AGAP1: variants seen among roughly 807,000 people sequenced by gnomAD.
AGAP1 encodes the protein arf-GAP with GTPase, ANK repeat and PH domain-containing protein 1.
A neutral mutation model predicts 105.3 loss-of-function variants in AGAP1; 29 were observed. That is an observed-to-expected ratio of 0.28 (90% CI 0.21 to 0.38). The LOEUF (loss-of-function observed/expected upper bound fraction) is 0.38, where lower values mean the gene tolerates loss of function less well. Ranked by LOEUF, AGAP1 falls within the 10% of genes least tolerant of loss-of-function variation. AGAP1 has a pLI of 1.00. For synonymous variants in AGAP1, 509 were observed against 485.9 expected (o/e 1.05, Z -0.63); for missense variants, 998 against 1,165.1 (o/e 0.86, Z 2.09).
intron 13 of AGAP1, among the ~76,000 whole-genome samples, chr2:236,033,636 C>T (rs566995009): frequency 3.3e-5 from 5 of 152,340 alleles, no homozygotes; most frequent in South Asian, 4.1e-4. Flanking sequence ...CACGTAGACA[C>T]GTTTAGAGGG....
rs1553561884 is a variant in AGAP1, at chr2:235,538,460, T to TGTGTGTGTGTGCGC, written c.163+43612_163+43613insTGTGTGTGTGCGCG. ...GTGTGTGTGTGTGTGTGTGTGTGTG[T>TGTGTGTGTGTGCGC]GCATGCTTGTACGCCTGTGCACAGA... is the stretch of plus-strand genomic sequence containing the variant. On this transcript the variant is annotated intron_variant, in intron 1 of 17. Coordinates refer to ENST00000304032, the MANE Select transcript of AGAP1 (RefSeq NM_001037131.3). Among the ~76,000 whole-genome samples the TGTGTGTGTGTGCGC allele has an allele frequency of 3.9e-3, 584 of 150,546 alleles. 3 individuals carry two copies. The highest frequency in any genetic ancestry group is 0.014 in the African/African-American group (564 of 40,184).
chr2:236,025,327 C>T (rs995444697), intron 13 of AGAP1, among the ~76,000 whole-genome samples: 2 of 152,074 alleles, frequency 1.3e-5, no homozygotes, highest in Admixed American at 6.6e-5. Context: ...ATGGGCCTCA[C>T]GCTGCCAATT....
intron 9 of AGAP1, 105 bp downstream of exon 9, chr2:235,807,436 TTGA>T (rs1957894199): frequency 7.4e-6 from 7 of 951,620 alleles, no homozygotes; most frequent in Non-Finnish European, 6.1e-6. Flanking sequence ...ATGTGCTCTG[TTGA>T]TGAATGTAGA....
chr2:235,725,512 A>G lies in AGAP1; in HGVS notation c.310+7868A>G, dbSNP rs183165563. On this transcript the variant is annotated intron_variant, in intron 3 of 17. Transcript: ENST00000304032. The surrounding 1 kb of genome is among the most constrained non-coding windows in gnomAD (Gnocchi z 5.7). ...TGCTGTTTAATGTTCCAGTGGAAAA[A>G]AAAAAAAAACACCTGTAATACTCCA... Among the ~76,000 whole-genome samples the G allele has an allele frequency of 6.6e-6, 1 of 152,304 alleles. No individual in the cohort carries two copies. Among genetic ancestry groups the G allele is most frequent in the Non-Finnish European group, 1.5e-5 (1 of 68,028 alleles).
chr2:236,040,745 GCC>G lies in AGAP1; in HGVS notation c.1801-4_1801-3del. 1.9e-6 allele frequency: 3 copies of G among 1,612,814 alleles called. No individual in the cohort carries two copies. The highest frequency in any genetic ancestry group is 2.5e-6 in the Non-Finnish European group (3 of 1,180,010). ...GCCTTGTATTTGTGTCTTCCTCCGTGCCCAGTCCCGGCTGACGAGCCAGAGCG... is the reference window on the plus strand; with the variant it reads ...GCCTTGTATTTGTGTCTTCCTCCGTGCAGTCCCGGCTGACGAGCCAGAGCG... On this transcript the variant is annotated splice_polypyrimidine_tract_variant and splice_region_variant and intron_variant, in intron 14 of 17. Transcript: ENST00000304032. The surrounding 1 kb of genome is among the most constrained non-coding windows in gnomAD (Gnocchi z 5.6).
chr2:236,028,682 A>G (rs540051779), intron 13 of AGAP1, among the ~76,000 whole-genome samples: 24 of 152,122 alleles, frequency 1.6e-4, no homozygotes, highest in African/African-American at 5.5e-4. Flanking sequence ...TTCCTTTCCA[A>G]TCTCTCGGTC....
chr2:236,048,948 T>C (rs1404453790), intron 15 of AGAP1, 111 bp from the exon 16 acceptor site: 5 of 1,040,830 alleles, frequency 4.8e-6, no homozygotes, highest in Non-Finnish European at 5.7e-6. Flanking sequence ...GCCATGGATG[T>C]GGTTCTGTCG....
Position 235,556,212 on chromosome 2 carries a change from C to T in AGAP1, c.163+61363C>T, listed in dbSNP as rs1238824578. 6.6e-6 allele frequency among the ~76,000 whole-genome samples: 1 copy of T among 152,226 alleles called. No homozygotes were observed. Among genetic ancestry groups the T allele is most frequent in the Non-Finnish European group, 1.5e-5 (1 of 68,042 alleles). On this transcript the variant is annotated intron_variant, in intron 1 of 17. Transcript: ENST00000304032. This position sits in a 1 kb window ranked among gnomAD's most constrained non-coding sequence, Gnocchi z 5.3. ...GCTCCTCAGAGCTGCCCCCTCATGC[C>T]TTGGCCAATCACAGAGCACCCTTTC...
At chr2:235,762,222 A>G (rs1954506337) in intron 6 of AGAP1, among the ~76,000 whole-genome samples, 6 of 152,170 alleles carry the variant, frequency 3.9e-5, no homozygotes, top group Admixed American at 3.3e-4. Flanking sequence ...GGTTAGCAGC[A>G]CTGAATTTGT....
intron 8 of AGAP1, among the ~76,000 whole-genome samples, chr2:235,803,763 A>G (rs188738525): frequency 2.0e-5 from 3 of 152,366 alleles, no homozygotes; most frequent in African/African-American, 7.2e-5. Flanking sequence ...ATAAAATAGT[A>G]CAAATAAAAT....
chr2:236,120,821 G>A lies in AGAP1; in HGVS notation c.2370+374G>A, dbSNP rs2059880728. 6.6e-6 allele frequency among the ~76,000 whole-genome samples: 1 copy of A among 152,172 alleles called. No homozygotes were observed. Among genetic ancestry groups the A allele is most frequent in the South Asian group, 2.1e-4 (1 of 4,826 alleles). ...TTTATTCACTTAACACAGAAATACT[G>A]GACCCTAAACTTTGAGGTCTGATGT... On this transcript the variant is annotated intron_variant, in intron 17 of 17. Transcript: ENST00000304032. The surrounding 1 kb of genome is among the most constrained non-coding windows in gnomAD (Gnocchi z 6.0).
Position 235,530,747 on chromosome 2 carries a change from C to G in AGAP1, c.163+35898C>G, listed in dbSNP as rs193253709. On this transcript the variant is annotated intron_variant, in intron 1 of 17. Transcript: ENST00000304032. ...ATCTGGATAATCTTGAATGATTTCC[C>G]TGTCTTAAAATCCTTGACTTAATCA... 2.0e-3 allele frequency among the ~76,000 whole-genome samples: 308 copies of G among 152,330 alleles called. 1 individual carries two copies. Among genetic ancestry groups the G allele is most frequent in the Non-Finnish European group, 3.4e-3 (229 of 68,036 alleles).
At chr2:235,921,798 G>A (rs2052193995) in intron 11 of AGAP1, among the ~76,000 whole-genome samples, 1 of 152,170 alleles carries the variant, frequency 6.6e-6, no homozygotes, top group South Asian at 2.1e-4. Flanking sequence ...AGTCCCGAAT[G>A]CCTACATCTT....
rs1187603494 is a variant in AGAP1, at chr2:235,610,662, C to T, written c.164-98517C>T. The stretch of plus-strand genomic sequence containing the variant: ...AAATTTCAGGAGAGCTCAATACAGC[C>T]CATAGCACAGCGCTTCCGCACACAT... On this transcript the variant is annotated intron_variant, in intron 1 of 17. Transcript: ENST00000304032. This position sits in a 1 kb window ranked among gnomAD's most constrained non-coding sequence, Gnocchi z 4.9. 1.3e-5 allele frequency among the ~76,000 whole-genome samples: 2 copies of T among 152,128 alleles called. No individual in the cohort carries two copies. The highest frequency in any genetic ancestry group is 2.9e-5 in the Non-Finnish European group (2 of 68,038).
At chr2:235,909,093 C>T (rs993486867) in intron 11 of AGAP1, among the ~76,000 whole-genome samples, 187 bp downstream of exon 11, 5 of 152,192 alleles carry the variant, frequency 3.3e-5, no homozygotes, top group Non-Finnish European at 5.9e-5. Context: ...CAAATGCCAG[C>T]GAGCAAATGG....
intron 6 of AGAP1, among the ~76,000 whole-genome samples, chr2:235,759,445 A>T (rs1406338608): frequency 2.0e-5 from 3 of 152,204 alleles, no homozygotes; most frequent in Non-Finnish European, 2.9e-5. Flanking sequence ...CTGGGATTAC[A>T]GGCGTGAGCC....
chr2:236,056,970 A>G lies in AGAP1; in HGVS notation c.2114+7689A>G, dbSNP rs912169703. Among the ~76,000 whole-genome samples the G allele has an allele frequency of 9.9e-5, 15 of 152,202 alleles. No homozygotes were observed. Among genetic ancestry groups the G allele is most frequent in the Admixed American group, 6.5e-4 (10 of 15,284 alleles). On this transcript the variant is annotated intron_variant, in intron 16 of 17. Coordinates refer to ENST00000304032, the MANE Select transcript of AGAP1 (RefSeq NM_001037131.3). This position sits in a 1 kb window ranked among gnomAD's most constrained non-coding sequence, Gnocchi z 4.6. ...CTCGCCCCTGGTCAGTTTCTATCTC[A>G]GTAGCCATCGTGTGTCAAACTTACT...
At position 235,589,189 on chromosome 2, in the gene AGAP1, G is replaced by GTTTT. The variant is rs1205771315; in HGVS notation, c.163+94341_163+94344dup. Among the ~76,000 whole-genome samples, 313 of 54,896 alleles carry GTTTT rather than the reference G, an allele frequency of 5.7e-3. 49 individuals carry two copies. The highest frequency in any genetic ancestry group is 8.9e-3 in the Non-Finnish European group (207 of 23,222). The allele number at this position is 54,896 out of a possible 152,430, so 36.0% of individuals were successfully genotyped here. A position where few individuals can be genotyped will look rare whatever the true frequency, so the allele number is the denominator to read the frequency against. ...GAGAACTACCAGTTAATAGCTTATT[G>GTTTT]TTTTGTTTTTTTTTTTTTTTTTTTT... On this transcript the variant is annotated intron_variant, in intron 1 of 17. Transcript: ENST00000304032.
At chr2:235,572,224 C>G (rs1053956900) in intron 1 of AGAP1, among the ~76,000 whole-genome samples, 8 of 151,360 alleles carry the variant, frequency 5.3e-5, no homozygotes, top group South Asian at 2.1e-4. Flanking sequence ...GTGCCGTGCC[C>G]TGTGTGTGTG....
Sources: allele counts gnomAD v4.1 joint callset (sites outside exome capture counted in the v4.1 genomes callset), GRCh38; gene constraint gnomAD v4.1.1; non-coding constraint Gnocchi (gnomAD v3.1); transcripts MANE v1.5; gene names NCBI Gene and HGNC (gene_info 2026-07-23, HGNC 2026-07-21).